Variants in MYLK observed in about 807,000 individuals in gnomAD.
MYLK encodes the protein myosin light chain kinase, smooth muscle.
In MYLK, 106 loss-of-function variants were observed where a neutral mutation model predicts 203.4. That is an observed-to-expected ratio of 0.52 (90% CI 0.45 to 0.61). The LOEUF (loss-of-function observed/expected upper bound fraction) is 0.61, where lower values mean the gene tolerates loss of function less well. Ranked by LOEUF, MYLK falls within the 20% of genes least tolerant of loss-of-function variation. The pLI, the probability that MYLK is intolerant of heterozygous loss-of-function variation, is 0.00. For missense variants in MYLK, 2,072 were observed against 2,442.3 expected (o/e 0.85, Z 3.20); for synonymous variants, 867 against 959.5 (o/e 0.90, Z 1.78).
Position 123,632,944 on chromosome 3 carries a change from C to T in MYLK, c.4962-3318G>A, listed in dbSNP as rs147654926. 5.2e-3 allele frequency among the ~76,000 whole-genome samples: 787 copies of T among 151,668 alleles called. 6 individuals are homozygous for T. The highest frequency in any genetic ancestry group is 0.018 in the African/African-American group (753 of 41,294). Reference sequence around the variant, plus strand: ...CTGAGTAGCTGGAACCACAGGTGCGCGCCAACACACCTGGCTAATTTTTTG... The same window carrying T: ...CTGAGTAGCTGGAACCACAGGTGCGTGCCAACACACCTGGCTAATTTTTTG... On this transcript the variant is annotated intron_variant, in intron 29 of 33. Coordinates refer to ENST00000360304, the MANE Select transcript of MYLK (RefSeq NM_053025.4).
At chr3:123,776,950 A>G (rs2064100229) in intron 4 of MYLK, among the ~76,000 whole-genome samples, 1 of 152,268 alleles carries the variant, frequency 6.6e-6, no homozygotes. Context: ...CCCCCAGCTT[A>G]GAAAATAACT....
At chr3:123,677,884 AATATATATATATATATATAT>A (rs3085284) in intron 20 of MYLK, among the ~76,000 whole-genome samples, 20 of 53,564 alleles carry the variant, frequency 3.7e-4, no homozygotes, top group East Asian at 5.3e-3. Flanking sequence ...TAAATAAATG[AATATATATATATATATATAT>A]ATATATATAT....
intron 20 of MYLK, among the ~76,000 whole-genome samples, chr3:123,669,630 C>A (rs943520846): frequency 6.6e-6 from 1 of 151,924 alleles, no homozygotes; most frequent in Non-Finnish European, 1.5e-5. Context: ...GTGCAACTTT[C>A]AAACTGTTCA....
intron 27 of MYLK, among the ~76,000 whole-genome samples, chr3:123,646,594 A>G (rs766538265): frequency 2.6e-5 from 4 of 152,238 alleles, no homozygotes; most frequent in South Asian, 2.1e-4. Flanking sequence ...TGGAGGATTC[A>G]GGTGCAGAAG....
At chr3:123,644,836 G>C (rs534843043) in intron 27 of MYLK, among the ~76,000 whole-genome samples, 1 of 152,292 alleles carries the variant, frequency 6.6e-6, no homozygotes, top group East Asian at 1.9e-4. Flanking sequence ...GATACGAATG[G>C]AAATTCTTCA....
chr3:123,746,215 T>C (rs1485203454), intron 5 of MYLK, among the ~76,000 whole-genome samples: 1 of 152,094 alleles, frequency 6.6e-6, no homozygotes, highest in Non-Finnish European at 1.5e-5. Flanking sequence ...CCAGGCATGG[T>C]GGTACATGCC....
At position 123,626,839 on chromosome 3, in the gene MYLK, G is replaced by T; in HGVS notation, c.5217C>A (p.Tyr1739Ter). The change falls in exon 31 of 34, where the codon TAC (tyrosine) becomes TAA (stop). Residue 1739 changes from tyrosine (Y) to a stop codon, truncating the protein, a stop_gained. Transcript: ENST00000360304. LOFTEE classifies it high-confidence loss of function. ...KKLSKDRMKK[Y>*]MARRKWQKTG... ...TTACCTGCCATTTCCTTCTTGCCATGTACTTCTTCATCCGGTCCTTGGAGA... is the reference window on the plus strand; with the variant it reads ...TTACCTGCCATTTCCTTCTTGCCATTTACTTCTTCATCCGGTCCTTGGAGA... 1 of 1,614,198 alleles carries T rather than the reference G, an allele frequency of 6.2e-7. No homozygotes were observed. Among genetic ancestry groups the T allele is most frequent in the Non-Finnish European group, 8.5e-7 (1 of 1,180,026 alleles).
rs2065799604 is a variant in MYLK at position 123,817,842 on chromosome 3, C to T, written c.-4+13706G>A. On this transcript the variant is annotated intron_variant, in intron 3 of 33. Transcript: ENST00000360304. ...AGGTAAGGCACCCTCCTCACACATG[C>T]AGAAACCATCTCTGTGCATGTCCAA... Among the ~76,000 whole-genome samples, 5 of 152,152 alleles carry T rather than the reference C, an allele frequency of 3.3e-5. No homozygotes were observed. The South Asian group carries it at 1.0e-3, about 32-fold the overall frequency.
At chr3:123,656,430 C>A (rs2059390712) in intron 24 of MYLK, among the ~76,000 whole-genome samples, 1 of 152,218 alleles carries the variant, frequency 6.6e-6, no homozygotes, top group Non-Finnish European at 1.5e-5. Context: ...CTGTCTCACA[C>A]AACATATGCC....
chr3:123,666,394 A>G (rs1270709494), intron 21 of MYLK, 48 bp from the exon 22 acceptor site: 1 of 1,613,484 alleles, frequency 6.2e-7, no homozygotes, highest in Admixed American at 1.7e-5. Context: ...GGTCTCAGGC[A>G]TTCTGATCAC....
At chr3:123,615,780 C>G (rs1308948322) in intron 33 of MYLK, among the ~76,000 whole-genome samples, 3 of 151,716 alleles carry the variant, frequency 2.0e-5, no homozygotes, top group African/African-American at 4.8e-5. Flanking sequence ...TACTGCATAG[C>G]TCAGACTACA....
At chr3:123,807,754 T>C (rs2065421168) in intron 3 of MYLK, among the ~76,000 whole-genome samples, 1 of 152,164 alleles carries the variant, frequency 6.6e-6, no homozygotes, top group African/African-American at 2.4e-5. Flanking sequence ...AGTTAGAGAT[T>C]GTTCCCATTC....
At chr3:123,714,378 A>G (rs544695111) in intron 13 of MYLK, among the ~76,000 whole-genome samples, 23 of 152,156 alleles carry the variant, frequency 1.5e-4, no homozygotes, top group Admixed American at 1.2e-3. Flanking sequence ...GTCCAGAGCT[A>G]CCCATTACCC....
intron 3 of MYLK, among the ~76,000 whole-genome samples, chr3:123,797,924 G>A (rs1268153109): frequency 6.6e-6 from 1 of 152,198 alleles, no homozygotes; most frequent in Non-Finnish European, 1.5e-5. Flanking sequence ...ACCAAAGACA[G>A]CAAGAAGCCC....
intron 20 of MYLK, among the ~76,000 whole-genome samples, chr3:123,669,924 A>G (rs2059858307): frequency 6.6e-6 from 1 of 151,232 alleles, no homozygotes; most frequent in Non-Finnish European, 1.5e-5. Flanking sequence ...AATCCCAGCT[A>G]CTCAGGCGGC....
chr3:123,714,980 G>C (rs1388410613), intron 13 of MYLK, among the ~76,000 whole-genome samples: 1 of 152,142 alleles, frequency 6.6e-6, no homozygotes, highest in East Asian at 1.9e-4. Context: ...TGGAGAAAGG[G>C]AAGAACAGAG....
At chr3:123,690,082 G>A (rs2060603106) in intron 19 of MYLK, among the ~76,000 whole-genome samples, 2 of 152,300 alleles carry the variant, frequency 1.3e-5, no homozygotes, top group East Asian at 1.9e-4. Context: ...CAGGGGCCAG[G>A]CCAGCCCTGC....
At chr3:123,717,839 CTTTTTTTTTTTTTTTTTTTTTTTTTT>C (rs10574979) in intron 13 of MYLK, among the ~76,000 whole-genome samples, 1 of 94,992 alleles carries the variant, frequency 1.1e-5, no homozygotes, top group East Asian at 3.1e-4. Context: ...TTGAGGGACT[CTTTTTTTTTTTTTTTTTTTTTTTTTT>C]TTTTTTTTGA....
chr3:123,803,621 A>AG (rs2065267773), intron 3 of MYLK, among the ~76,000 whole-genome samples: 2 of 152,220 alleles, frequency 1.3e-5, no homozygotes, highest in African/African-American at 4.8e-5. Flanking sequence ...AGGTTCCAGC[A>AG]GGGGGATCCA....
Sources: allele counts gnomAD v4.1 joint callset (sites outside exome capture counted in the v4.1 genomes callset), GRCh38; gene constraint gnomAD v4.1.1; transcripts MANE v1.5; gene names NCBI Gene and HGNC (gene_info 2026-07-23, HGNC 2026-07-21).